MIOS: variants seen among roughly 807,000 people sequenced by gnomAD.
MIOS encodes meiosis regulator for oocyte development.
Under a neutral mutation model 96.9 loss-of-function variants are expected in MIOS, and 52 were observed. The ratio of observed to expected loss-of-function variants is 0.54; its 90% CI spans 0.43 to 0.68. The LOEUF (loss-of-function observed/expected upper bound fraction) is 0.68, where lower values mean the gene tolerates loss of function less well. Ranked by LOEUF, MIOS falls within the 30% of genes least tolerant of loss-of-function variation. The pLI is 0.00. For missense variants in MIOS, 1,005 were observed against 1,052.8 expected, an observed-to-expected ratio of 0.95 and a Z score of 0.63; for synonymous variants, 397 against 359.5, an observed-to-expected ratio of 1.10 and a Z score of -1.18.
chr7:7,573,128 A>C lies in MIOS; in HGVS notation c.653A>C (p.Gln218Pro), dbSNP rs978954169. The part of the protein sequence containing the change: ...LAIFDLRNTS[Q>P]KMFVNTKAVQ... ...ATATTTGATCTTCGGAATACAAGCC[A>C]AAAGATGTTCGTAAATACAAAAGCT... is the stretch of plus-strand genomic sequence containing the variant. Residue 218 changes from glutamine to proline, a missense_variant, in exon 4 of 13, where the codon CAA (glutamine) becomes CCA (proline). Around this residue, in one of 3 missense-constraint regions of MIOS, gnomAD observed 865 missense variants for 887.9 expected, o/e 0.97. Coordinates refer to ENST00000340080, the MANE Select transcript of MIOS (RefSeq NM_019005.4). The surrounding 1 kb of genome is among the most constrained non-coding windows in gnomAD (Gnocchi z 5.0). 6.2e-7 allele frequency: 1 copy of C among 1,614,124 alleles called. No homozygotes were observed. Among genetic ancestry groups the C allele is most frequent in the Non-Finnish European group, 8.5e-7 (1 of 1,179,976 alleles).
rs201678021 is a variant in MIOS, at chr7:7,590,996, G to GT, written c.2043+1440dup. 6.7e-3 allele frequency among the ~76,000 whole-genome samples: 1,019 copies of GT among 152,156 alleles called. 11 individuals are homozygous for GT. Among genetic ancestry groups the GT allele is most frequent in the Admixed American group, 0.013 (198 of 15,282 alleles). ...GATATTATATACTCCAACTTACAGT[G>GT]TTTTTTTAACAGTCATTTGTCTTTT... On this transcript the variant is annotated intron_variant, in intron 9 of 12. Coordinates refer to ENST00000340080, the MANE Select transcript of MIOS (RefSeq NM_019005.4).
intron 1 of MIOS, chr7:7,567,340 G>C (rs886253619): frequency 4.6e-5 from 7 of 152,226 alleles, no homozygotes; most frequent in Non-Finnish European, 8.8e-5. Context: ...GTGGGGAGCG[G>C]CGTCCCAGCC....
At chr7:7,591,727 T>A (rs1286034572) in intron 9 of MIOS, among the ~76,000 whole-genome samples, 3 of 152,200 alleles carry the variant, frequency 2.0e-5, no homozygotes, top group Non-Finnish European at 4.4e-5. Context: ...ATGACCTTAA[T>A]GTACCTGGTT....
At chr7:7,605,099 C>T (rs967889279) in intron 11 of MIOS, 2 of 152,080 alleles carry the variant, frequency 1.3e-5, no homozygotes, top group Non-Finnish European at 2.9e-5. Flanking sequence ...AAAGCGTGAC[C>T]TGCAATGGTC....
chr7:7,571,016 G>C (rs545458471), intron 3 of MIOS, among the ~76,000 whole-genome samples: 2 of 152,324 alleles, frequency 1.3e-5, no homozygotes, highest in South Asian at 2.1e-4. Flanking sequence ...AATTATGTTT[G>C]AGTTGAACTA....
At chr7:7,580,579 C>T (rs1372377477) in intron 5 of MIOS, among the ~76,000 whole-genome samples, 1 of 151,866 alleles carries the variant, frequency 6.6e-6, no homozygotes, top group Non-Finnish European at 1.5e-5. Context: ...TATGTACTAA[C>T]ATGCATAATA....
chr7:7,587,700 G>A (rs1254885671), intron 7 of MIOS, among the ~76,000 whole-genome samples: 2 of 151,530 alleles, frequency 1.3e-5, no homozygotes, highest in Non-Finnish European at 2.9e-5. Context: ...CTCTCTTTAG[G>A]GCAAAACCAT....
rs142715596 is a variant in MIOS at position 7,599,086 on chromosome 7, C to A, written c.2401+2625C>A. Among the ~76,000 whole-genome samples the A allele has an allele frequency of 8.5e-3, 1,290 of 152,082 alleles. 16 individuals carry two copies. The highest frequency in any genetic ancestry group is 0.03 in the African/African-American group (1,234 of 41,498). On this transcript the variant is annotated intron_variant, in intron 11 of 12. Transcript: ENST00000340080. Reference sequence around the variant, plus strand: ...ACGAATATAAAATAAGTGATATTTTCTAGAAAATAAATACTGGTCTACAAT... The same window carrying A: ...ACGAATATAAAATAAGTGATATTTTATAGAAAATAAATACTGGTCTACAAT...
intron 12 of MIOS, 39 bp downstream of exon 12, chr7:7,606,110 T>A (rs553636686): frequency 6.2e-7 from 1 of 1,610,518 alleles, no homozygotes; most frequent in South Asian, 1.1e-5. Flanking sequence ...CTTGGAGTTA[T>A]GGGGGATAAC....
At chr7:7,585,431 C>G (rs1198369903) in intron 6 of MIOS, among the ~76,000 whole-genome samples, 2 of 122,420 alleles carry the variant, frequency 1.6e-5, no homozygotes, top group Non-Finnish European at 1.7e-5. Flanking sequence ...TTTTTTTTTT[C>G]AAGAGTAAAG....
Position 7,583,281 on chromosome 7 carries a change from G to T in MIOS, c.1557G>T (p.Gly519=). The change falls in exon 6 of 13, where the codon GGG becomes GGT. Residue 519 remains glycine, a synonymous_variant. Coordinates refer to ENST00000340080, the MANE Select transcript of MIOS (RefSeq NM_019005.4). ...GPFLNSLVQE[G]EWERAAAVAL... is the part of the protein sequence containing the mutation. ...TTTTGAACTCCCTTGTACAAGAAGG[G>T]GAATGGGAAAGAGCTGCTGCTGTGG... 2 of 1,614,096 alleles carry T rather than the reference G, an allele frequency of 1.2e-6. No individual in the cohort carries two copies. The highest frequency in any genetic ancestry group is 2.2e-5 in the South Asian group (2 of 91,082).
chr7:7,572,820 A>G lies in MIOS; in HGVS notation c.345A>G (p.Gln115=), dbSNP rs527239374. 3 of 1,614,180 alleles carry G rather than the reference A, an allele frequency of 1.9e-6. No homozygotes were observed. Among genetic ancestry groups the G allele is most frequent in the Admixed American group, 3.3e-5 (2 of 60,030 alleles). ...AGTTTGTTCCAAAACATGCACGACA[A>G]TGTAATACCCTTGCCTGGAATCCAC... ...GKEFVPKHAR[Q]CNTLAWNPLD... The change falls in exon 4 of 13, where the codon CAA becomes CAG. Residue 115 remains glutamine, a synonymous_variant. Transcript: ENST00000340080. The surrounding 1 kb of genome is among the most constrained non-coding windows in gnomAD (Gnocchi z 4.8).
chr7:7,585,403 C>T (rs1783852005), intron 6 of MIOS, among the ~76,000 whole-genome samples: 1 of 90,076 alleles, frequency 1.1e-5, no homozygotes, highest in Non-Finnish European at 2.4e-5. Context: ...TGAATCAAAA[C>T]CCAAACCCCC....
At chr7:7,585,408 A>ACAC (rs1783852865) in intron 6 of MIOS, among the ~76,000 whole-genome samples, 1 of 131,484 alleles carries the variant, frequency 7.6e-6, no homozygotes, top group African/African-American at 2.9e-5. Context: ...CAAAACCCAA[A>ACAC]CCCCCCCCTT....
chr7:7,599,647 C>G (rs1439289891), intron 11 of MIOS, among the ~76,000 whole-genome samples: 9 of 152,006 alleles, frequency 5.9e-5, no homozygotes, highest in Admixed American at 4.6e-4. Context: ...TTGGGAAGAG[C>G]AAGTGTATTG....
chr7:7,597,109 A>G (rs2881890), intron 11 of MIOS, among the ~76,000 whole-genome samples: 147,284 of 152,166 alleles, frequency 0.97, 71,304 homozygotes, highest in East Asian at 1. Context: ...GGCAGATCAC[A>G]AGGTCAGAAG....
intron 3 of MIOS, among the ~76,000 whole-genome samples, chr7:7,568,414 C>G (rs1783227057): frequency 6.6e-6 from 1 of 152,042 alleles, no homozygotes; most frequent in East Asian, 1.9e-4. Context: ...AGATTGTTTT[C>G]TTTACACCAG....
intron 9 of MIOS, among the ~76,000 whole-genome samples, chr7:7,591,249 C>T (rs980951830): frequency 2.0e-5 from 3 of 149,938 alleles, no homozygotes; most frequent in Admixed American, 1.3e-4. Flanking sequence ...TGAGAATCAG[C>T]TGTTCTTATG....
chr7:7,596,721 C>G (rs1222254087), intron 11 of MIOS, among the ~76,000 whole-genome samples: 2 of 152,260 alleles, frequency 1.3e-5, no homozygotes, highest in East Asian at 3.9e-4. Context: ...ATGAAATAAT[C>G]TTAATATATT....
Sources: allele counts gnomAD v4.1 joint callset (sites outside exome capture counted in the v4.1 genomes callset), GRCh38; gene constraint gnomAD v4.1.1; regional missense constraint gnomAD v4.1.1; non-coding constraint Gnocchi (gnomAD v3.1); transcripts MANE v1.5; gene names NCBI Gene and HGNC (gene_info 2026-07-23, HGNC 2026-07-21).